SLC35F4: variants seen among roughly 807,000 people sequenced by gnomAD.
The protein encoded by SLC35F4 is chromosome 14 open reading frame 36.
A neutral mutation model predicts 44.2 loss-of-function variants in SLC35F4; 24 were observed. The observed-to-expected ratio is 0.54, with a 90% CI of 0.39 to 0.76. SLC35F4 has a LOEUF of 0.76. Among genes scored for constraint, SLC35F4 ranks in the 30% least tolerant of loss-of-function variants. SLC35F4 has a pLI of 0.00. For synonymous variants in SLC35F4, 238 were observed against 223.6 expected (o/e 1.06, Z -0.57); for missense variants, 562 against 586.1 (o/e 0.96, Z 0.42).
intron 3 of SLC35F4, among the ~76,000 whole-genome samples, chr14:57,583,504 A>C (rs1365898445): frequency 1.1e-4 from 16 of 152,186 alleles, no homozygotes; most frequent in Admixed American, 1.0e-3. Flanking sequence ...CTCCTAAGCA[A>C]AGATTTTGGA....
chr14:57,771,676 C>A (rs537784059), intron 1 of SLC35F4, among the ~76,000 whole-genome samples: 2 of 152,316 alleles, frequency 1.3e-5, no homozygotes, highest in African/African-American at 4.8e-5. Flanking sequence ...TCACTGCAAT[C>A]TCTGCCTTCT....
At chr14:57,778,250 CCT>C (rs1192208710) in intron 1 of SLC35F4, among the ~76,000 whole-genome samples, 1 of 152,158 alleles carries the variant, frequency 6.6e-6, no homozygotes, top group Non-Finnish European at 1.5e-5. Flanking sequence ...CCCAACTAAA[CCT>C]CTTTCTTTTG....
At chr14:57,597,830 T>C (rs1037785249) in intron 1 of SLC35F4, among the ~76,000 whole-genome samples, 1 of 152,114 alleles carries the variant, frequency 6.6e-6, no homozygotes, top group African/African-American at 2.4e-5. Context: ...TACAAGAGTA[T>C]TGGAAATCCC....
At chr14:57,836,338 G>T (rs934910316) in intron 1 of SLC35F4, among the ~76,000 whole-genome samples, 4 of 152,094 alleles carry the variant, frequency 2.6e-5, no homozygotes, top group Non-Finnish European at 4.4e-5. Flanking sequence ...CTGTCACCAG[G>T]CTGGAGTGCA....
intron 1 of SLC35F4, among the ~76,000 whole-genome samples, chr14:57,732,359 A>T (rs1396224250): frequency 6.6e-6 from 1 of 152,178 alleles, no homozygotes; most frequent in African/African-American, 2.4e-5. Context: ...GTATAAAAAC[A>T]AGCACAGTAA....
At chr14:57,601,144 T>A (rs2139981480) in intron 1 of SLC35F4, among the ~76,000 whole-genome samples, 1 of 152,054 alleles carries the variant, frequency 6.6e-6, no homozygotes, top group Middle Eastern at 3.4e-3. Flanking sequence ...ATTATCTATA[T>A]TTTTGTATGC....
chr14:57,647,701 A>G (rs1489904237), intron 1 of SLC35F4, among the ~76,000 whole-genome samples: 1 of 152,142 alleles, frequency 6.6e-6, no homozygotes, highest in African/African-American at 2.4e-5. Context: ...TCCTAGACCC[A>G]TCTGTGTTCT....
chr14:57,758,001 A>ATGTGTGTGTGTGTGTG (rs34860997), intron 1 of SLC35F4, among the ~76,000 whole-genome samples: 30 of 129,014 alleles, frequency 2.3e-4, no homozygotes, highest in African/African-American at 6.6e-4. Context: ...TTATAGGTTC[A>ATGTGTGTGTGTGTGTG]TGTGTGTGTG....
rs756332543 is a variant in SLC35F4 at position 57,696,308 on chromosome 14, A to G, written c.104-102184T>C. On this transcript the variant is annotated intron_variant, in intron 1 of 7. Coordinates refer to ENST00000556826, the MANE Select transcript of SLC35F4 (RefSeq NM_001306087.2). ...GAAGGCATTTACGCAGCCAACAAACATGAAAAAAAGCTCATCATCACTGGT... is the reference window on the plus strand; with the variant it reads ...GAAGGCATTTACGCAGCCAACAAACGTGAAAAAAAGCTCATCATCACTGGT... Among the ~76,000 whole-genome samples, 234 of 152,322 alleles carry G rather than the reference A, an allele frequency of 1.5e-3. 3 individuals are homozygous for G. Among genetic ancestry groups the G allele is most frequent in the Non-Finnish European group, 5.3e-4 (36 of 68,028 alleles).
intron 1 of SLC35F4, among the ~76,000 whole-genome samples, chr14:57,612,315 C>G (rs1020738480): frequency 6.6e-6 from 1 of 152,112 alleles, no homozygotes; most frequent in African/African-American, 2.4e-5. Flanking sequence ...GGAGCTGTAA[C>G]TTCCCAGGCT....
At chr14:57,938,892 A>C (rs749440833) in intron 1 of SLC35F4, among the ~76,000 whole-genome samples, 4 of 152,228 alleles carry the variant, frequency 2.6e-5, no homozygotes, top group African/African-American at 4.8e-5. Context: ...TCTGACATTC[A>C]AAACTAGGAT....
At chr14:57,839,753 TA>T (rs1048306007) in intron 1 of SLC35F4, among the ~76,000 whole-genome samples, 2 of 151,248 alleles carry the variant, frequency 1.3e-5, no homozygotes, top group African/African-American at 2.4e-5. Flanking sequence ...CCCTGAACTT[TA>T]AAAAAAAAGT....
At chr14:57,867,794 T>G (rs931820242), upstream of SLC35F4, among the ~76,000 whole-genome samples, 1 of 152,106 alleles carries the variant, frequency 6.6e-6, no homozygotes, top group African/African-American at 2.4e-5. Context: ...ATTTTGATAA[T>G]AGCCATCATA....
At chr14:57,831,154 A>T (rs977220377) in intron 1 of SLC35F4, among the ~76,000 whole-genome samples, 1 of 152,094 alleles carries the variant, frequency 6.6e-6, no homozygotes, top group Non-Finnish European at 1.5e-5. Flanking sequence ...GTGATTTTCG[A>T]TTCCTCCCAT....
intron 1 of SLC35F4, among the ~76,000 whole-genome samples, chr14:57,780,400 T>A (rs2077588030): frequency 6.6e-6 from 1 of 151,766 alleles, no homozygotes; most frequent in Admixed American, 6.6e-5. Context: ...ATCTCTACAA[T>A]AAGAATTACA....
intron 1 of SLC35F4, among the ~76,000 whole-genome samples, chr14:57,667,606 T>C (rs1259186219): frequency 3.3e-5 from 5 of 151,664 alleles, no homozygotes; most frequent in Non-Finnish European, 7.4e-5. Context: ...GTCCTTGTGA[T>C]AGTTTGCTGA....
intron 1 of SLC35F4, among the ~76,000 whole-genome samples, chr14:57,721,261 G>C (rs2076080166): frequency 6.6e-6 from 1 of 151,930 alleles, no homozygotes; most frequent in South Asian, 2.1e-4. Context: ...GAACTGTTTA[G>C]AGAGTTATGC....
chr14:57,681,301 G>A (rs1230994903), intron 1 of SLC35F4, among the ~76,000 whole-genome samples: 4 of 152,014 alleles, frequency 2.6e-5, no homozygotes, highest in Non-Finnish European at 5.9e-5. Context: ...AATGGTGTTG[G>A]GAAAACAGGC....
At chr14:57,925,500 AGGGAGGG>A (rs879562978) in intron 1 of SLC35F4, among the ~76,000 whole-genome samples, 21,880 of 43,476 alleles carry the variant, frequency 0.5, 2,771 homozygotes, top group South Asian at 0.57. Context: ...GAAGGAAGGG[AGGGAGGG>A]AGGGAGGGAG....
Sources: allele counts gnomAD v4.1 joint callset (sites outside exome capture counted in the v4.1 genomes callset), GRCh38; gene constraint gnomAD v4.1.1; transcripts MANE v1.5; gene names NCBI Gene and HGNC (gene_info 2026-07-23, HGNC 2026-07-21).